GRK3: variants seen among roughly 807,000 people sequenced by gnomAD.
GRK3 encodes the protein adrenergic, beta, receptor kinase 2.
In GRK3, 54 loss-of-function variants were observed where a neutral mutation model predicts 95.7. That is an observed-to-expected ratio of 0.56 (90% CI 0.45 to 0.71). The LOEUF (loss-of-function observed/expected upper bound fraction) is 0.71. Among genes scored for constraint, GRK3 ranks in the 30% least tolerant of loss-of-function variants. The pLI, the probability that GRK3 is intolerant of heterozygous loss-of-function variation, is 0.00. For missense variants in GRK3, 649 were observed against 851.2 expected, an observed-to-expected ratio of 0.76 and a Z score of 2.96; for synonymous variants, 281 against 290.8, an observed-to-expected ratio of 0.97 and a Z score of 0.34.
rs557751163 is a variant in GRK3, at chr22:25,644,345, G to A, written c.191-247G>A. ...GTCGTATCATACTTTTGTGGAAAGTGGGGGGCGGGGGTGAACATGAATAGA... is the reference window on the plus strand; with the variant it reads ...GTCGTATCATACTTTTGTGGAAAGTAGGGGGCGGGGGTGAACATGAATAGA... On this transcript the variant is annotated intron_variant, in intron 2 of 20. Transcript: ENST00000324198. Among the ~76,000 whole-genome samples the A allele has an allele frequency of 6.6e-5, 10 of 152,098 alleles. No individual in the cohort carries two copies. In the East Asian group the frequency reaches 1.9e-3, roughly 29 times the overall value.
At chr22:25,656,411 G>C (rs900437267) in intron 3 of GRK3, among the ~76,000 whole-genome samples, 3 of 151,978 alleles carry the variant, frequency 2.0e-5, no homozygotes, top group Non-Finnish European at 4.4e-5. Flanking sequence ...TGAACTCCTG[G>C]GCTCAAGTGA....
chr22:25,647,397 A>G (rs1179783877), intron 3 of GRK3: 10 of 1,320,416 alleles, frequency 7.6e-6, no homozygotes, highest in Non-Finnish European at 1.1e-5. Context: ...ATCTTCAGCA[A>G]AGGGAACAGC....
chr22:25,623,710 C>T (rs941829963), intron 2 of GRK3, among the ~76,000 whole-genome samples: 5 of 152,096 alleles, frequency 3.3e-5, no homozygotes, highest in Admixed American at 6.5e-5. Flanking sequence ...TTAATGACAC[C>T]GCTGTTCTCC....
rs1169632628 is a variant in GRK3, at chr22:25,617,141, A to G, written c.190+12688A>G. Among the ~76,000 whole-genome samples the G allele has an allele frequency of 2.0e-5, 3 of 152,222 alleles. No individual in the cohort carries two copies. In the East Asian group the frequency reaches 5.8e-4, roughly 29 times the overall value. On this transcript the variant is annotated intron_variant, in intron 2 of 20. Coordinates refer to ENST00000324198, the MANE Select transcript of GRK3 (RefSeq NM_005160.4). Reference sequence around the variant, plus strand: ...ACTTTTTAAAGAAGCACATATTCTTACCTTATACGATGCACTTACTCTCCA... The same window carrying G: ...ACTTTTTAAAGAAGCACATATTCTTGCCTTATACGATGCACTTACTCTCCA...
At chr22:25,642,261 C>T (rs1436974854) in intron 2 of GRK3, among the ~76,000 whole-genome samples, 6 of 152,136 alleles carry the variant, frequency 3.9e-5, no homozygotes, top group East Asian at 3.9e-4. Context: ...GGTGAAACCC[C>T]GTATCTACTA....
At chr22:25,590,799 G>A (rs186850222) in intron 1 of GRK3, among the ~76,000 whole-genome samples, 14 of 152,184 alleles carry the variant, frequency 9.2e-5, no homozygotes, top group South Asian at 2.1e-4. Flanking sequence ...GCGATACTGC[G>A]TCTCAAAACA....
chr22:25,718,293 T>C lies in GRK3; in HGVS notation c.1703T>C (p.Leu568Pro). 1 of 1,614,160 alleles carries C rather than the reference T, an allele frequency of 6.2e-7. No homozygotes were observed. The highest frequency in any genetic ancestry group is 8.5e-7 in the Non-Finnish European group (1 of 1,179,986). ...ATTATGCACGGGTACATGCTGAAAC[T>C]GGGAAACCCATTTCTGACTCAGTGG... The part of the protein sequence containing the change: ...DCIMHGYMLK[L>P]GNPFLTQWQR... The change falls in exon 19 of 21, where the codon CTG (leucine) becomes CCG (proline). Residue 568 changes from leucine to proline, a missense_variant. Around this residue, in one of 3 missense-constraint regions of GRK3, gnomAD observed 382 missense variants for 493.8 expected, o/e 0.77. Transcript: ENST00000324198.
At chr22:25,645,229 AG>A (rs1738059368) in intron 3 of GRK3, among the ~76,000 whole-genome samples, 1 of 152,190 alleles carries the variant, frequency 6.6e-6, no homozygotes, top group Admixed American at 6.5e-5. Flanking sequence ...TACAGTGCCT[AG>A]GAAACACAGA....
intron 13 of GRK3, among the ~76,000 whole-genome samples, chr22:25,695,702 C>A (rs997488454): frequency 6.6e-6 from 1 of 152,118 alleles, no homozygotes; most frequent in Non-Finnish European, 1.5e-5. Context: ...TGCCTGGCTG[C>A]AGTGTAGTCA....
At chr22:25,587,238 T>G (rs1192994167) in intron 1 of GRK3, among the ~76,000 whole-genome samples, 1 of 152,058 alleles carries the variant, frequency 6.6e-6, no homozygotes, top group African/African-American at 2.4e-5. Flanking sequence ...CGATTTATAT[T>G]TTAGAAAAAT....
intron 17 of GRK3, among the ~76,000 whole-genome samples, chr22:25,712,833 C>A (rs2085354793): frequency 6.6e-6 from 1 of 152,222 alleles, no homozygotes; most frequent in Non-Finnish European, 1.5e-5. Flanking sequence ...TGAGAAAGAG[C>A]ACACTTAGAA....
intron 1 of GRK3, among the ~76,000 whole-genome samples, chr22:25,592,093 C>T (rs888258531): frequency 1.3e-5 from 2 of 152,202 alleles, no homozygotes; most frequent in African/African-American, 4.8e-5. Context: ...CTTCATTTGA[C>T]ATTCCCACTA....
intron 2 of GRK3, among the ~76,000 whole-genome samples, chr22:25,621,192 C>T (rs1205771412): frequency 6.6e-6 from 1 of 152,244 alleles, no homozygotes; most frequent in Non-Finnish European, 1.5e-5. Flanking sequence ...GTGAGGACAG[C>T]AATTCCCACA....
intron 5 of GRK3, among the ~76,000 whole-genome samples, chr22:25,664,653 T>G (rs1011772734): frequency 4.0e-5 from 6 of 151,820 alleles, no homozygotes; most frequent in Non-Finnish European, 8.8e-5. Context: ...CCCAAGTAGC[T>G]GGGACCACAG....
At chr22:25,604,157 T>G (rs572620828) in intron 1 of GRK3, among the ~76,000 whole-genome samples, 1 of 152,316 alleles carries the variant, frequency 6.6e-6, no homozygotes, top group Non-Finnish European at 1.5e-5. Flanking sequence ...TGCAGTTGAG[T>G]TTCTGCGTGT....
chr22:25,602,488 G>GA (rs1320710065), intron 1 of GRK3, among the ~76,000 whole-genome samples: 1 of 152,146 alleles, frequency 6.6e-6, no homozygotes, highest in African/African-American at 2.4e-5. Context: ...TGTGAAAAAT[G>GA]AAAACGCATG....
chr22:25,624,480 C>T lies in GRK3; in HGVS notation c.190+20027C>T, dbSNP rs2084612218. 3.3e-5 allele frequency among the ~76,000 whole-genome samples: 5 copies of T among 152,092 alleles called. No homozygotes were observed. In the South Asian group the frequency reaches 1.0e-3, roughly 32 times the overall value. ...CTGGGAGGCTGAATCAGGAGAATGA[C>T]GTGAACCCGGGAGGTGGAGCTTGCA... On this transcript the variant is annotated intron_variant, in intron 2 of 20. Transcript: ENST00000324198.
chr22:25,651,651 G>A (rs1184194741), intron 3 of GRK3, among the ~76,000 whole-genome samples: 1 of 152,146 alleles, frequency 6.6e-6, no homozygotes, highest in Non-Finnish European at 1.5e-5. Flanking sequence ...ACAAAATTAT[G>A]TTATGTACTA....
At position 25,707,512 on chromosome 22, in the gene GRK3, G is replaced by A. The variant is rs376579424; in HGVS notation, c.1329-2386G>A. Among the ~76,000 whole-genome samples the A allele has an allele frequency of 2.6e-5, 4 of 152,304 alleles. No individual in the cohort carries two copies. The South Asian group carries it at 8.3e-4, about 32-fold the overall frequency. Reference sequence around the variant, plus strand: ...TTCCTGAAGCTCATGCTATGGGAAAGCCATGGTGTAGAATTATCAAGTAAG... The same window carrying A: ...TTCCTGAAGCTCATGCTATGGGAAAACCATGGTGTAGAATTATCAAGTAAG... On this transcript the variant is annotated intron_variant, in intron 15 of 20. Coordinates refer to ENST00000324198, the MANE Select transcript of GRK3 (RefSeq NM_005160.4).
Sources: allele counts gnomAD v4.1 joint callset (sites outside exome capture counted in the v4.1 genomes callset), GRCh38; gene constraint gnomAD v4.1.1; regional missense constraint gnomAD v4.1.1; transcripts MANE v1.5; gene names NCBI Gene and HGNC (gene_info 2026-07-23, HGNC 2026-07-21).